ARHGAP35: variants seen among roughly 807,000 people sequenced by gnomAD.
ARHGAP35 encodes Rho GTPase activating protein 35.
In ARHGAP35, 15 loss-of-function variants were observed where a neutral mutation model predicts 111.1. The observed-to-expected ratio is 0.13, with a 90% confidence interval of 0.09 to 0.21. ARHGAP35 has a LOEUF of 0.21. ARHGAP35 is among the 10% of genes least tolerant of loss of function. ARHGAP35 has a pLI of 1.00. For synonymous variants in ARHGAP35, 643 were observed against 710.3 expected (o/e 0.91, Z 1.51); for missense variants, 1,262 against 1,873.0 (o/e 0.67, Z 6.02).
At chr19:46,962,213 G>A (rs1361114459) in intron 3 of ARHGAP35, among the ~76,000 whole-genome samples, 1 of 152,142 alleles carries the variant, frequency 6.6e-6, no homozygotes, top group African/African-American at 2.4e-5. Flanking sequence ...TTTTAAAAAA[G>A]CCTCTAGTCC....
intron 2 of ARHGAP35, among the ~76,000 whole-genome samples, chr19:46,927,608 G>A (rs894211170): frequency 6.6e-6 from 1 of 152,218 alleles, no homozygotes; most frequent in Non-Finnish European, 1.5e-5. Flanking sequence ...TGGCTACCAC[G>A]TGAAGGGTTT....
chr19:46,951,254 C>CATTA (rs1435546273), intron 3 of ARHGAP35, among the ~76,000 whole-genome samples: 1 of 152,162 alleles, frequency 6.6e-6, no homozygotes, highest in Non-Finnish European at 1.5e-5. Flanking sequence ...AAATGCTTGC[C>CATTA]ATTAGATCAC....
intron 1 of ARHGAP35, among the ~76,000 whole-genome samples, chr19:46,903,618 G>C (rs963766570): frequency 2.6e-5 from 4 of 152,212 alleles, no homozygotes; most frequent in Admixed American, 6.5e-5. Flanking sequence ...CAGCTGTCAT[G>C]GAAGAGTAGG....
intron 3 of ARHGAP35, among the ~76,000 whole-genome samples, chr19:46,963,048 A>G (rs1021085403): frequency 9.9e-5 from 15 of 152,216 alleles, no homozygotes; most frequent in African/African-American, 3.6e-4. Flanking sequence ...CAGAATAAAA[A>G]TAAAGCAGAT....
intron 1 of ARHGAP35, among the ~76,000 whole-genome samples, chr19:46,894,235 G>A (rs1440131489): frequency 6.6e-6 from 1 of 152,104 alleles, no homozygotes; most frequent in African/African-American, 2.4e-5. Context: ...GCTTTCTTTA[G>A]ATCTGGTGAA....
At chr19:46,897,191 G>A (rs935841107) in intron 1 of ARHGAP35, among the ~76,000 whole-genome samples, 12 of 151,670 alleles carry the variant, frequency 7.9e-5, no homozygotes, top group South Asian at 2.1e-4. Context: ...GAGCCATCGC[G>A]CCCAGCCTTC....
At chr19:46,870,241 G>T (rs892127097) in intron 1 of ARHGAP35, among the ~76,000 whole-genome samples, 2 of 151,322 alleles carry the variant, frequency 1.3e-5, no homozygotes, top group African/African-American at 4.9e-5. Context: ...GAGCTACCAC[G>T]CCCGGCTTGT....
intron 2 of ARHGAP35, among the ~76,000 whole-genome samples, chr19:46,927,936 C>T (rs920480846): frequency 6.6e-6 from 1 of 152,198 alleles, no homozygotes; most frequent in South Asian, 2.1e-4. Flanking sequence ...TCAGTCCAGT[C>T]GATTTGTTCA....
At chr19:46,865,255 T>A (rs1022331543) in intron 1 of ARHGAP35, among the ~76,000 whole-genome samples, 7 of 152,304 alleles carry the variant, frequency 4.6e-5, no homozygotes, top group Non-Finnish European at 1.0e-4. Context: ...GGTAGTAACA[T>A]GTTTTCAAGG....
In ARHGAP35 at chr19:46,899,646, G is replaced by C. The variant is rs112699516; in HGVS notation, c.-188-18842G>C. On this transcript the variant is annotated intron_variant, in intron 1 of 6. Coordinates refer to ENST00000672722, the MANE Select transcript of ARHGAP35 (RefSeq NM_004491.5). The stretch of plus-strand genomic sequence containing the variant: ...GCCTGGGAGGTTGAGGCTGTGGTGA[G>C]CCATAATCGCGCCACTACACTCCAG... 2.1e-3 allele frequency among the ~76,000 whole-genome samples: 313 copies of C among 151,496 alleles called. 3 individuals are homozygous for C. Among genetic ancestry groups the C allele is most frequent in the African/African-American group, 7.0e-3 (290 of 41,256 alleles).
In ARHGAP35 at chr19:46,989,535, T is replaced by G. The variant is rs771454282; in HGVS notation, c.3905-9T>G. On this transcript the variant is annotated splice_polypyrimidine_tract_variant and intron_variant, in intron 4 of 6. Coordinates refer to ENST00000672722, the MANE Select transcript of ARHGAP35 (RefSeq NM_004491.5). This position sits in a 1 kb window ranked among gnomAD's most constrained non-coding sequence, Gnocchi z 5.3. Reference sequence around the variant, plus strand: ...ATGGTTTGGCCTCACTCTCCTGACTTCCTTTCAGACCACAACCTGGACCTG... The same window carrying G: ...ATGGTTTGGCCTCACTCTCCTGACTGCCTTTCAGACCACAACCTGGACCTG... The G allele has an allele frequency of 1.2e-6, 2 of 1,613,738 alleles. No homozygotes were observed. Among genetic ancestry groups the G allele is most frequent in the East Asian group, 4.5e-5 (2 of 44,870 alleles).
chr19:46,929,042 G>A (rs2056256065), intron 2 of ARHGAP35, among the ~76,000 whole-genome samples: 1 of 151,994 alleles, frequency 6.6e-6, no homozygotes, highest in Non-Finnish European at 1.5e-5. Context: ...AGGACTTTGT[G>A]GTCCTTCCTG....
chr19:46,894,680 A>G lies in ARHGAP35; in HGVS notation c.-188-23808A>G, dbSNP rs577590384. Among the ~76,000 whole-genome samples, 15 of 152,162 alleles carry G rather than the reference A, an allele frequency of 9.9e-5. No homozygotes were observed. In the East Asian group the frequency reaches 2.9e-3, roughly 29 times the overall value. ...AGGCTGGTCTAGAACTCCTGACCTC[A>G]GGTGATCTGCCCGCCTCAGCCTCCC... On this transcript the variant is annotated intron_variant, in intron 1 of 6. Transcript: ENST00000672722.
rs112784129 is a variant in ARHGAP35 at position 46,877,244 on chromosome 19, G to A, written c.-189+16035G>A. 3.4e-5 allele frequency among the ~76,000 whole-genome samples: 3 copies of A among 88,176 alleles called. 1 individual carries two copies. Among genetic ancestry groups the A allele is most frequent in the African/African-American group, 1.4e-4 (3 of 21,724 alleles). The allele number at this position is 88,176 out of a possible 152,430, so 57.8% of individuals were successfully genotyped here. On this transcript the variant is annotated intron_variant, in intron 1 of 6. Coordinates refer to ENST00000672722, the MANE Select transcript of ARHGAP35 (RefSeq NM_004491.5). ...TCCAGCCTGGGTAGCGAGTAAAACT[G>A]TCTCAAAAAAAAAAAAAAAAAAAAA...
rs961240648 is a variant in ARHGAP35 at position 46,993,140 on chromosome 19, C to T, written c.4036+3465C>T. ...GACATTCAACAGGTGATTGCAAAGC[C>T]GTGTCTCCAGGGGAAGGACAGCTTG... is the stretch of plus-strand genomic sequence containing the variant. On this transcript the variant is annotated intron_variant, in intron 5 of 6. Transcript: ENST00000672722. The surrounding 1 kb of genome is among the most constrained non-coding windows in gnomAD (Gnocchi z 4.6). 2.6e-5 allele frequency among the ~76,000 whole-genome samples: 4 copies of T among 152,204 alleles called. No individual in the cohort carries two copies. The highest frequency in any genetic ancestry group is 1.9e-4 in the East Asian group (1 of 5,192).
intron 3 of ARHGAP35, among the ~76,000 whole-genome samples, chr19:46,960,226 A>G (rs79156298): frequency 0.02 from 2,969 of 152,078 alleles, 97 homozygotes; most frequent in African/African-American, 0.065. Flanking sequence ...GTCTGCCTGT[A>G]ATTTTATTAG....
intron 1 of ARHGAP35, among the ~76,000 whole-genome samples, chr19:46,880,886 G>A (rs1354811818): frequency 2.0e-5 from 3 of 150,766 alleles, no homozygotes; most frequent in African/African-American, 7.3e-5. Flanking sequence ...ACATTGCCTG[G>A]GTTGGTGTTG....
chr19:46,970,100 A>G (rs577967312), intron 3 of ARHGAP35, among the ~76,000 whole-genome samples: 158 of 152,302 alleles, frequency 1.0e-3, no homozygotes, highest in Non-Finnish European at 5.1e-4. Flanking sequence ...CACGGATTGA[A>G]TTAGATTGGG....
chr19:46,892,920 A>T (rs1233487528), intron 1 of ARHGAP35, among the ~76,000 whole-genome samples: 2 of 152,022 alleles, frequency 1.3e-5, no homozygotes, highest in Non-Finnish European at 2.9e-5. Context: ...TTGTAAGTCC[A>T]GTTCTCCATG....
Sources: gnomAD v4.1 joint callset for allele counts (sites outside exome capture counted in the v4.1 genomes callset) on GRCh38, gnomAD v4.1.1 for gene constraint, Gnocchi (gnomAD v3.1) non-coding constraint, MANE v1.5 for transcripts, NCBI Gene and HGNC (gene_info 2026-07-23, HGNC 2026-07-21) for gene names.